Variants in HCN1 observed in about 807,000 individuals in gnomAD.
HCN1 encodes hyperpolarization activated cyclic nucleotide gated potassium channel 1.
A neutral mutation model predicts 78.9 loss-of-function variants in HCN1; 13 were observed. That is an observed-to-expected ratio of 0.16 (90% CI 0.11 to 0.26). The LOEUF (loss-of-function observed/expected upper bound fraction) is 0.26, where lower values mean the gene tolerates loss of function less well. Ranked by LOEUF, HCN1 falls within the 10% of genes least tolerant of loss-of-function variation. The pLI, the probability that HCN1 is intolerant of heterozygous loss-of-function variation, is 1.00. For synonymous variants in HCN1, 552 were observed against 455.5 expected (o/e 1.21, Z -2.70); for missense variants, 810 against 1,154.3 (o/e 0.70, Z 4.32).
At chr5:45,669,765 T>C (rs1392084260) in intron 1 of HCN1, among the ~76,000 whole-genome samples, 1 of 151,806 alleles carries the variant, frequency 6.6e-6, no homozygotes, top group African/African-American at 2.4e-5. Flanking sequence ...GAGGTTGTAC[T>C]GAAGAACAAA....
chr5:45,526,899 G>A (rs1742747314), intron 2 of HCN1, among the ~76,000 whole-genome samples: 1 of 151,892 alleles, frequency 6.6e-6, no homozygotes, highest in South Asian at 2.1e-4. Context: ...CCACACAGAG[G>A]TATGCTCCAT....
rs1363738594 is a variant in HCN1, at chr5:45,262,542, G to A, written c.2052C>T (p.Ser684=). ...TGGCTGATGGCTGGGGGGTCTGTGT[G>A]CTGGGACTGGGGGAGTGCAGGTTGC... ...SHSNLHSPSP[S]TQTPQPSAIL... The change falls in exon 8 of 8, where the codon AGC becomes AGT. Residue 684 remains serine, a synonymous_variant. Transcript: ENST00000303230. 36 of 1,613,832 alleles carry A rather than the reference G, an allele frequency of 2.2e-5. No homozygotes were observed. The highest frequency in any genetic ancestry group is 3.1e-5 in the Non-Finnish European group (36 of 1,180,008).
chr5:45,536,446 A>G (rs1205564163), intron 2 of HCN1, among the ~76,000 whole-genome samples: 3 of 152,024 alleles, frequency 2.0e-5, no homozygotes, highest in African/African-American at 7.2e-5. Flanking sequence ...GTCACCGCCA[A>G]TCTTCTTTTA....
At chr5:45,521,019 A>G (rs1238521316) in intron 2 of HCN1, among the ~76,000 whole-genome samples, 1 of 151,802 alleles carries the variant, frequency 6.6e-6, no homozygotes, top group Non-Finnish European at 1.5e-5. Flanking sequence ...GGCTTTTTAA[A>G]AAATTATTTT....
At chr5:45,295,328 C>T (rs1745466656) in intron 6 of HCN1, among the ~76,000 whole-genome samples, 1 of 151,882 alleles carries the variant, frequency 6.6e-6, no homozygotes, top group Non-Finnish European at 1.5e-5. Context: ...ATATAACCAC[C>T]CACTAAAATA....
chr5:45,561,790 A>G (rs1224109043), intron 2 of HCN1, among the ~76,000 whole-genome samples: 1 of 152,088 alleles, frequency 6.6e-6, no homozygotes, highest in East Asian at 1.9e-4. Flanking sequence ...ATTGAGTTCA[A>G]TCACATGTCC....
intron 3 of HCN1, among the ~76,000 whole-genome samples, chr5:45,440,561 G>T (rs1207629206): frequency 6.6e-6 from 1 of 152,114 alleles, no homozygotes; most frequent in Non-Finnish European, 1.5e-5. Flanking sequence ...CTCCCCCAGG[G>T]TGAAGTGAGC....
chr5:45,687,609 T>A (rs1396108072), intron 1 of HCN1, among the ~76,000 whole-genome samples: 1 of 152,194 alleles, frequency 6.6e-6, no homozygotes, highest in Non-Finnish European at 1.5e-5. Context: ...GAGTATTTTT[T>A]ATAATACTGT....
intron 6 of HCN1, among the ~76,000 whole-genome samples, chr5:45,286,406 T>TAA (rs904822020): frequency 6.6e-6 from 1 of 151,986 alleles, no homozygotes; most frequent in African/African-American, 2.4e-5. Flanking sequence ...AAGTATCCTG[T>TAA]AAACTTCAAG....
At chr5:45,375,129 A>C (rs1401397085) in intron 4 of HCN1, among the ~76,000 whole-genome samples, 2 of 121,744 alleles carry the variant, frequency 1.6e-5, no homozygotes, top group African/African-American at 3.2e-5. Context: ...ATTATATATA[A>C]TATATTTTAT....
intron 6 of HCN1, among the ~76,000 whole-genome samples, chr5:45,275,222 G>A (rs1466293565): frequency 6.6e-6 from 1 of 151,386 alleles, no homozygotes; most frequent in Non-Finnish European, 1.5e-5. Context: ...CTACAGCCTC[G>A]GTGATGGAGT....
chr5:45,317,898 T>TA (rs1404992945), intron 5 of HCN1, among the ~76,000 whole-genome samples: 2 of 152,074 alleles, frequency 1.3e-5, no homozygotes, highest in African/African-American at 4.8e-5. Context: ...TGGCGATCAT[T>TA]AAAAAGTCAG....
At chr5:45,682,420 G>A (rs1238022023) in intron 1 of HCN1, among the ~76,000 whole-genome samples, 1 of 151,460 alleles carries the variant, frequency 6.6e-6, no homozygotes, top group Admixed American at 6.6e-5. Flanking sequence ...TTCTGTGAAG[G>A]AATAAAATGC....
At chr5:45,624,398 G>A (rs941513418) in intron 2 of HCN1, among the ~76,000 whole-genome samples, 1 of 152,158 alleles carries the variant, frequency 6.6e-6, no homozygotes, top group Admixed American at 6.5e-5. Flanking sequence ...ATTAGAGATG[G>A]AAACAGTGAG....
chr5:45,671,299 T>C (rs946529019), intron 1 of HCN1, among the ~76,000 whole-genome samples: 1 of 151,654 alleles, frequency 6.6e-6, no homozygotes, highest in Non-Finnish European at 1.5e-5. Flanking sequence ...ACTTTCCAGC[T>C]TGAAGTAATT....
At chr5:45,549,169 A>G (rs1271761939) in intron 2 of HCN1, among the ~76,000 whole-genome samples, 2 of 152,162 alleles carry the variant, frequency 1.3e-5, no homozygotes, top group Non-Finnish European at 2.9e-5. Flanking sequence ...ATGGAACCAA[A>G]AAAGAGTCTG....
At chr5:45,518,218 A>T (rs1255837183) in intron 2 of HCN1, among the ~76,000 whole-genome samples, 1 of 152,090 alleles carries the variant, frequency 6.6e-6, no homozygotes, top group Non-Finnish European at 1.5e-5. Flanking sequence ...AACATTTGGC[A>T]CATCAATCAT....
At chr5:45,574,389 A>G (rs1312930841) in intron 2 of HCN1, among the ~76,000 whole-genome samples, 5 of 152,032 alleles carry the variant, frequency 3.3e-5, no homozygotes, top group Non-Finnish European at 5.9e-5. Flanking sequence ...TTTCTAATGT[A>G]ACTGCTTTGG....
In HCN1 at chr5:45,384,936, G is replaced by T. The variant is rs545231691; in HGVS notation, c.1230+11556C>A. Among the ~76,000 whole-genome samples, 7 of 152,230 alleles carry T rather than the reference G, an allele frequency of 4.6e-5. 1 individual carries two copies. The highest frequency in any genetic ancestry group is 1.7e-4 in the African/African-American group (7 of 41,550). On this transcript the variant is annotated intron_variant, in intron 4 of 7. Coordinates refer to ENST00000303230, the MANE Select transcript of HCN1 (RefSeq NM_021072.4). ...AATTAATTGAGATTAAAATCATAAT[G>T]AGGATCATAAATAGAAAAGTCTTCC...
Sources: allele counts gnomAD v4.1 joint callset (sites outside exome capture counted in the v4.1 genomes callset), GRCh38; gene constraint gnomAD v4.1.1; transcripts MANE v1.5; gene names NCBI Gene and HGNC (gene_info 2026-07-23, HGNC 2026-07-21).